ANKRD27: variants seen among roughly 807,000 people sequenced by gnomAD.
The protein encoded by ANKRD27 is ankyrin repeat domain 27.
A neutral mutation model predicts 129.7 loss-of-function variants in ANKRD27; 112 were observed. The ratio of observed to expected loss-of-function variants is 0.86; its 90% CI spans 0.74 to 1.01. The LOEUF (loss-of-function observed/expected upper bound fraction) is 1.01, where lower values mean the gene tolerates loss of function less well. ANKRD27 is among the 50% of genes least tolerant of loss of function. ANKRD27 has a pLI of 0.00. For synonymous variants in ANKRD27, 516 were observed against 511.2 expected (o/e 1.01, Z -0.13); for missense variants, 1,258 against 1,300.5 (o/e 0.97, Z 0.50).
At chr19:32,634,692 G>C (rs1177474867) in intron 12 of ANKRD27, among the ~76,000 whole-genome samples, 1 of 152,116 alleles carries the variant, frequency 6.6e-6, no homozygotes, top group African/African-American at 2.4e-5. Context: ...GAGGCAGGCG[G>C]ATCACTTGAG....
At chr19:32,661,617 A>G (rs259258) in intron 1 of ANKRD27, among the ~76,000 whole-genome samples, 74,285 of 151,984 alleles carry the variant, frequency 0.49, 21,050 homozygotes, top group Non-Finnish European at 0.65. Flanking sequence ...CGCTGGGATT[A>G]CAGGCATGAG....
At chr19:32,627,197 A>G (rs1966899551) in intron 15 of ANKRD27, among the ~76,000 whole-genome samples, 1 of 152,080 alleles carries the variant, frequency 6.6e-6, no homozygotes. Flanking sequence ...AATAGCACAC[A>G]ACAGAATATT....
intron 3 of ANKRD27, among the ~76,000 whole-genome samples, chr19:32,648,219 T>C (rs1182568053): frequency 6.6e-6 from 1 of 151,638 alleles, no homozygotes; most frequent in Non-Finnish European, 1.5e-5. Context: ...TGAGCTGAGA[T>C]CAAGCTACTG....
intron 14 of ANKRD27, 115 bp from the exon 15 acceptor site, chr19:32,628,280 C>A: frequency 1.2e-6 from 1 of 805,556 alleles, no homozygotes; most frequent in African/African-American, 1.7e-5. Flanking sequence ...GGATGCCACC[C>A]AAGAGATGTG....
At chr19:32,643,662 C>T (rs749645368) in intron 5 of ANKRD27, 31 bp from the exon 6 acceptor site, 7 of 1,612,282 alleles carry the variant, frequency 4.3e-6, no homozygotes, top group East Asian at 2.2e-5. Context: ...GGACAGGCCA[C>T]CCTTACCAGC....
At chr19:32,667,120 C>A (rs1369216964) in intron 1 of ANKRD27, among the ~76,000 whole-genome samples, 1 of 152,248 alleles carries the variant, frequency 6.6e-6, no homozygotes, top group Non-Finnish European at 1.5e-5. Flanking sequence ...TTACTGCAAG[C>A]TCACATGGGA....
chr19:32,598,587 CTT>C (rs556485024), intron 28 of ANKRD27, among the ~76,000 whole-genome samples: 31 of 152,254 alleles, frequency 2.0e-4, no homozygotes, highest in African/African-American at 7.2e-4. Context: ...TTTTCACAAT[CTT>C]TATGACTCTA....
intron 16 of ANKRD27, 68 bp downstream of exon 16, chr19:32,626,644 C>T (rs1966888959): frequency 2.4e-6 from 3 of 1,233,580 alleles, no homozygotes; most frequent in South Asian, 1.4e-5. Flanking sequence ...CATGACCGTA[C>T]AGTCACCACG....
rs763981314 is a variant in ANKRD27, at chr19:32,625,953, T to TGCA, written c.1547_1549dup (p.Leu516dup). On this transcript the variant is annotated inframe_insertion, in exon 17 of 29. Coordinates refer to ENST00000306065, the MANE Select transcript of ANKRD27 (RefSeq NM_032139.3). The stretch of plus-strand genomic sequence containing the variant: ...CTGCACTTCCGCGCTGGCCTTGTAG[T>TGCA]GCAGCAGCAGCAGCTGCGGAGATAA... 3.7e-6 allele frequency: 6 copies of TGCA among 1,608,984 alleles called. No homozygotes were observed. The highest frequency in any genetic ancestry group is 4.5e-5 in the East Asian group (2 of 44,630).
intron 22 of ANKRD27, among the ~76,000 whole-genome samples, chr19:32,613,110 C>T (rs1463534155): frequency 6.6e-6 from 1 of 151,828 alleles, no homozygotes; most frequent in Non-Finnish European, 1.5e-5. Flanking sequence ...AGAAAATGGG[C>T]AAAACAAATG....
At chr19:32,607,045 G>A (rs1165584080) in intron 23 of ANKRD27, among the ~76,000 whole-genome samples, 1 of 149,006 alleles carries the variant, frequency 6.7e-6, no homozygotes, top group Non-Finnish European at 1.5e-5. Flanking sequence ...TGAGATGGGA[G>A]GATTGTTTGA....
intron 26 of ANKRD27, among the ~76,000 whole-genome samples, chr19:32,601,024 C>T (rs538245721): frequency 1.3e-5 from 2 of 152,118 alleles, no homozygotes; most frequent in Non-Finnish European, 2.9e-5. Flanking sequence ...TGAGGCCAGG[C>T]GCGGTGGCTC....
intron 24 of ANKRD27, 65 bp downstream of exon 24, chr19:32,605,770 G>A (rs777665328): frequency 7.5e-5 from 119 of 1,584,686 alleles, no homozygotes; most frequent in Non-Finnish European, 9.8e-5. Context: ...TGCGGGGGTC[G>A]CTGGGTGGAG....
chr19:32,650,367 C>A (rs1268960834), intron 2 of ANKRD27, among the ~76,000 whole-genome samples: 4 of 152,178 alleles, frequency 2.6e-5, no homozygotes, highest in Non-Finnish European at 5.9e-5. Context: ...GCCTGGCCAA[C>A]ATGGCAAAAC....
intron 16 of ANKRD27, 133 bp downstream of exon 16, chr19:32,626,579 C>T: frequency 1.6e-6 from 1 of 635,760 alleles, no homozygotes; most frequent in Non-Finnish European, 2.6e-6. Context: ...TGCAGCAGAG[C>T]TGGTGTGGAA....
Position 32,649,682 on chromosome 19 carries a change from C to A in ANKRD27, c.213G>T (p.Lys71Asn). The change falls in exon 3 of 29, where the codon AAG becomes AAT. Residue 71 changes from lysine to asparagine, a missense_variant and splice_region_variant. Transcript: ENST00000306065. ...VEEHFQTLNG[K>N]DVFIQGNRIK... Reference sequence around the variant, plus strand: ...GGCTGATCCACCAAGAAATGAATACCTTTCCATTTAAGGTCTGAAAATGCT... The same window carrying A: ...GGCTGATCCACCAAGAAATGAATACATTTCCATTTAAGGTCTGAAAATGCT... 1 of 1,599,238 alleles carries A rather than the reference C, an allele frequency of 6.3e-7. No individual in the cohort carries two copies. Among genetic ancestry groups the A allele is most frequent in the Non-Finnish European group, 8.6e-7 (1 of 1,166,610 alleles).
intron 1 of ANKRD27, among the ~76,000 whole-genome samples, chr19:32,662,131 G>A (rs894003267): frequency 3.3e-5 from 5 of 151,332 alleles, no homozygotes; most frequent in African/African-American, 1.2e-4. Flanking sequence ...TGACCAATAT[G>A]GCAAAACCCC....
At chr19:32,607,144 TAAAAAAA>T (rs34734065) in intron 23 of ANKRD27, among the ~76,000 whole-genome samples, 3 of 94,360 alleles carry the variant, frequency 3.2e-5, no homozygotes, top group Non-Finnish European at 5.8e-5. Context: ...GGTGATGTCT[TAAAAAAA>T]AAAAAAAAAA....
In ANKRD27 at chr19:32,597,979, T is replaced by C. The variant is rs1262598253; in HGVS notation, c.*166A>G. 8.0e-6 allele frequency: 5 copies of C among 627,822 alleles called. No homozygotes were observed. In the Admixed American group the frequency reaches 1.5e-4, roughly 18 times the overall value. 38.9% of individuals were successfully genotyped at this position (627,822 alleles called of 1,614,324 possible). A position where few individuals can be genotyped will look rare whatever the true frequency, so the allele number is the denominator to read the frequency against. On this transcript the variant is annotated 3_prime_UTR_variant, in exon 29 of 29. Coordinates refer to ENST00000306065, the MANE Select transcript of ANKRD27 (RefSeq NM_032139.3). ...AGAGAGATGGTGGTGGTTAACTTTT[T>C]TGTTGCATTCTTTCCTGCCACAGAA...
Sources: gnomAD v4.1 joint callset for allele counts (sites outside exome capture counted in the v4.1 genomes callset) on GRCh38, gnomAD v4.1.1 for gene constraint, MANE v1.5 for transcripts, NCBI Gene and HGNC (gene_info 2026-07-23, HGNC 2026-07-21) for gene names.